The following SLCO3A1 variants were observed in gnomAD, a reference collection of about 807,000 sequenced individuals.
SLCO3A1 encodes PGE1 transporter.
A neutral mutation model predicts 63.1 loss-of-function variants in SLCO3A1; 27 were observed. The ratio of observed to expected loss-of-function variants is 0.43; its 90% CI spans 0.32 to 0.59. The LOEUF is 0.59. SLCO3A1 is among the 20% of genes least tolerant of loss of function. SLCO3A1 has a pLI of 0.09. For missense variants in SLCO3A1, 773 were observed against 945.8 expected, an observed-to-expected ratio of 0.82 and a Z score of 2.40; for synonymous variants, 473 against 409.9, an observed-to-expected ratio of 1.15 and a Z score of -1.86.
At chr15:92,005,399 G>T (rs1380970227) in intron 2 of SLCO3A1, among the ~76,000 whole-genome samples, 16 of 152,222 alleles carry the variant, frequency 1.1e-4, no homozygotes, top group Admixed American at 1.0e-3. Flanking sequence ...GAAAGTTGAT[G>T]GTCTATCTGT....
At chr15:92,069,173 G>A (rs368308425) in intron 2 of SLCO3A1, among the ~76,000 whole-genome samples, 2 of 149,110 alleles carry the variant, frequency 1.3e-5, no homozygotes, top group South Asian at 2.1e-4. Flanking sequence ...GTCATGATGG[G>A]AGATAGAGGG....
intron 7 of SLCO3A1, 81 bp from the exon 8 acceptor site, chr15:92,146,903 G>A: frequency 7.6e-7 from 1 of 1,320,864 alleles, no homozygotes; most frequent in Non-Finnish European, 1.0e-6. Context: ...ATTAGGCTGT[G>A]ACAGATTCAG....
chr15:91,909,038 G>T (rs1421186043), intron 1 of SLCO3A1, among the ~76,000 whole-genome samples: 1 of 152,188 alleles, frequency 6.6e-6, no homozygotes, highest in Admixed American at 6.5e-5. Context: ...TCCAGCCTGC[G>T]CAACAGAGCG....
intron 7 of SLCO3A1, among the ~76,000 whole-genome samples, chr15:92,146,132 C>T (rs2048219088): frequency 6.6e-6 from 1 of 152,138 alleles, no homozygotes; most frequent in Non-Finnish European, 1.5e-5. Flanking sequence ...ACTTTGTATT[C>T]ATTAAAGGCC....
chr15:91,972,217 A>G (rs907565478), intron 2 of SLCO3A1, among the ~76,000 whole-genome samples: 2 of 152,132 alleles, frequency 1.3e-5, no homozygotes, highest in African/African-American at 2.4e-5. Context: ...AAGAGATTAT[A>G]CCTTCAGACA....
At chr15:91,879,764 C>T (rs1344643171) in intron 1 of SLCO3A1, among the ~76,000 whole-genome samples, 1 of 152,160 alleles carries the variant, frequency 6.6e-6, no homozygotes, top group African/African-American at 2.4e-5. Context: ...GAGATACTGT[C>T]ATGGGACAGG....
At chr15:92,056,382 T>G (rs950508222) in intron 2 of SLCO3A1, among the ~76,000 whole-genome samples, 1 of 152,190 alleles carries the variant, frequency 6.6e-6, no homozygotes, top group African/African-American at 2.4e-5. Flanking sequence ...TTCTGAGATC[T>G]TTGCTTTTCA....
chr15:92,150,235 G>T (rs1296048778), intron 8 of SLCO3A1, among the ~76,000 whole-genome samples: 1 of 152,138 alleles, frequency 6.6e-6, no homozygotes, highest in Non-Finnish European at 1.5e-5. Context: ...ATGTTTTTCT[G>T]CCTGCTTTAT....
At chr15:91,876,366 A>G (rs1194311524) in intron 1 of SLCO3A1, among the ~76,000 whole-genome samples, 1 of 152,206 alleles carries the variant, frequency 6.6e-6, no homozygotes, top group East Asian at 1.9e-4. Flanking sequence ...GGATTTTGGC[A>G]AGTGCCTCAT....
rs933314558 is a variant in SLCO3A1, at chr15:91,860,608, G to A, written c.180+6520G>A. Among the ~76,000 whole-genome samples the A allele has an allele frequency of 6.6e-6, 1 of 152,238 alleles. No homozygotes were observed. Among genetic ancestry groups the A allele is most frequent in the Non-Finnish European group, 1.5e-5 (1 of 68,046 alleles). On this transcript the variant is annotated intron_variant, in intron 1 of 9. Transcript: ENST00000318445. The surrounding 1 kb of genome is among the most constrained non-coding windows in gnomAD (Gnocchi z 5.5). Reference sequence around the variant, plus strand: ...GATCTGGGCTCCTGAAGCTTGCTCTGCTTCACTGGCTGAAAGGCTGAGTGA... The same window carrying A: ...GATCTGGGCTCCTGAAGCTTGCTCTACTTCACTGGCTGAAAGGCTGAGTGA...
intron 1 of SLCO3A1, among the ~76,000 whole-genome samples, chr15:91,907,255 G>T (rs1230353682): frequency 6.6e-6 from 1 of 152,058 alleles, no homozygotes; most frequent in African/African-American, 2.4e-5. Context: ...TGCCCAGGCT[G>T]GAGTGCACTG....
chr15:92,124,829 T>A lies in SLCO3A1; in HGVS notation c.1175-1232T>A, dbSNP rs189837533. The stretch of plus-strand genomic sequence containing the variant: ...GCCAAGTAAACACATCGGGCAAGTG[T>A]CCCAGGAGAGGGAACTGCACGTGCA... On this transcript the variant is annotated intron_variant, in intron 5 of 9. Transcript: ENST00000318445. Among the ~76,000 whole-genome samples the A allele has an allele frequency of 3.3e-5, 5 of 152,074 alleles. No homozygotes were observed. In the East Asian group the frequency reaches 7.7e-4, roughly 24 times the overall value.
chr15:91,967,137 C>G lies in SLCO3A1; in HGVS notation c.646+50679C>G, dbSNP rs1462400272. 1.3e-5 allele frequency among the ~76,000 whole-genome samples: 2 copies of G among 152,090 alleles called. No individual in the cohort carries two copies. Among genetic ancestry groups the G allele is most frequent in the African/African-American group, 4.8e-5 (2 of 41,404 alleles). ...TAAAGAAGTTTTGAAATACCTCATTCTATTTGTGCTGCTTTTTATCCTTTC... is the reference window on the plus strand; with the variant it reads ...TAAAGAAGTTTTGAAATACCTCATTGTATTTGTGCTGCTTTTTATCCTTTC... On this transcript the variant is annotated intron_variant, in intron 2 of 9. Coordinates refer to ENST00000318445, the MANE Select transcript of SLCO3A1 (RefSeq NM_013272.4). This position sits in a 1 kb window ranked among gnomAD's most constrained non-coding sequence, Gnocchi z 4.4.
chr15:92,006,278 A>G (rs1055265499), intron 2 of SLCO3A1, among the ~76,000 whole-genome samples: 2 of 152,210 alleles, frequency 1.3e-5, no homozygotes, highest in Non-Finnish European at 2.9e-5. Context: ...CTAAGAGCAG[A>G]TGGTCTGCCT....
rs571724557 is a variant in SLCO3A1 at position 92,126,920 on chromosome 15, G to A, written c.1373+661G>A. Among the ~76,000 whole-genome samples, 11 of 152,246 alleles carry A rather than the reference G, an allele frequency of 7.2e-5. No homozygotes were observed. In the South Asian group the frequency reaches 1.5e-3, roughly 20 times the overall value. ...CCTTGGAAATCCAGCCTGGAGCATCGAGGCTGAAGCATGGCTGGCCTGCAG... is the reference window on the plus strand; with the variant it reads ...CCTTGGAAATCCAGCCTGGAGCATCAAGGCTGAAGCATGGCTGGCCTGCAG... On this transcript the variant is annotated intron_variant, in intron 6 of 9. Coordinates refer to ENST00000318445, the MANE Select transcript of SLCO3A1 (RefSeq NM_013272.4).
Position 92,130,066 on chromosome 15 carries a change from G to A in SLCO3A1, c.1512+1577G>A, listed in dbSNP as rs570806998. On this transcript the variant is annotated intron_variant, in intron 7 of 9. Transcript: ENST00000318445. Reference sequence around the variant, plus strand: ...GAAAGTTACATTATAAATCAGTCTCGGTTATTGTCCTGTTATAAGAATTAA... The same window carrying A: ...GAAAGTTACATTATAAATCAGTCTCAGTTATTGTCCTGTTATAAGAATTAA... Among the ~76,000 whole-genome samples the A allele has an allele frequency of 3.9e-5, 6 of 152,188 alleles. No homozygotes were observed. The East Asian group carries it at 5.8e-4, about 15-fold the overall frequency.
At chr15:91,864,479 A>G (rs980751385) in intron 1 of SLCO3A1, among the ~76,000 whole-genome samples, 1 of 146,760 alleles carries the variant, frequency 6.8e-6, no homozygotes, top group African/African-American at 2.6e-5. Flanking sequence ...ATTCTCTTTT[A>G]AAATGTTCCT....
intron 2 of SLCO3A1, among the ~76,000 whole-genome samples, chr15:92,068,145 A>G (rs976730410): frequency 1.3e-5 from 2 of 152,194 alleles, no homozygotes; most frequent in African/African-American, 4.8e-5. Flanking sequence ...CTACCTCCTA[A>G]TAATACTGCC....
At chr15:91,878,977 G>A (rs996764516) in intron 1 of SLCO3A1, among the ~76,000 whole-genome samples, 1 of 152,068 alleles carries the variant, frequency 6.6e-6, no homozygotes, top group African/African-American at 2.4e-5. Flanking sequence ...TTCTGAAATA[G>A]CTCTTCTTAT....
Sources: gnomAD v4.1 joint callset for allele counts (sites outside exome capture counted in the v4.1 genomes callset) on GRCh38, gnomAD v4.1.1 for gene constraint, Gnocchi (gnomAD v3.1) non-coding constraint, MANE v1.5 for transcripts, NCBI Gene and HGNC (gene_info 2026-07-23, HGNC 2026-07-21) for gene names.